The following NAALADL2 variants were observed in gnomAD, a reference collection of about 807,000 sequenced individuals.
The protein encoded by NAALADL2 is N-acetylated alpha-linked acidic dipeptidase like 2.
NAALADL2 carries 76 observed loss-of-function variants against 87.2 expected under a neutral mutation model. That is an observed-to-expected ratio of 0.87 (90% CI 0.72 to 1.05). The LOEUF is 1.05. NAALADL2 is among the 50% of genes least tolerant of loss of function. The pLI is 0.00. For synonymous variants in NAALADL2, 354 were observed against 331.0 expected, an observed-to-expected ratio of 1.07 and a Z score of -0.75; for missense variants, 1,089 against 945.8, an observed-to-expected ratio of 1.15 and a Z score of -1.99.
At chr3:174,511,679 A>G (rs1458054254) in intron 1 of NAALADL2, among the ~76,000 whole-genome samples, 1 of 150,508 alleles carries the variant, frequency 6.6e-6, no homozygotes, top group African/African-American at 2.4e-5. Context: ...GCTTAAATCT[A>G]TCTTGGTGTT....
At chr3:175,531,559 A>G (rs745676942) in intron 9 of NAALADL2, among the ~76,000 whole-genome samples, 12 of 152,246 alleles carry the variant, frequency 7.9e-5, no homozygotes, top group Non-Finnish European at 1.6e-4. Flanking sequence ...GTCTCTCTCA[A>G]TAAGATTATG....
intron 1 of NAALADL2, among the ~76,000 whole-genome samples, chr3:175,010,533 AT>A (rs1749645723): frequency 6.6e-6 from 1 of 152,148 alleles, no homozygotes; most frequent in African/African-American, 2.4e-5. Context: ...TAAGTGGTCT[AT>A]TTTCTCTCTG....
intron 2 of NAALADL2, among the ~76,000 whole-genome samples, chr3:175,224,957 C>T (rs1283993314): frequency 6.6e-6 from 1 of 152,106 alleles, no homozygotes; most frequent in East Asian, 1.9e-4. Context: ...TTAGTTGTCT[C>T]ATGATTTTTG....
At chr3:174,823,897 T>C (rs1327835508) in intron 3 of NAALADL2, among the ~76,000 whole-genome samples, 1 of 152,044 alleles carries the variant, frequency 6.6e-6, no homozygotes, top group Non-Finnish European at 1.5e-5. Flanking sequence ...TTTTAGTAGA[T>C]ACGAGATTTC....
chr3:175,593,257 A>G (rs1298759268), intron 10 of NAALADL2, among the ~76,000 whole-genome samples: 1 of 152,146 alleles, frequency 6.6e-6, no homozygotes, highest in African/African-American at 2.4e-5. Flanking sequence ...TAAATAACAT[A>G]ATATTTCCTT....
intron 2 of NAALADL2, among the ~76,000 whole-genome samples, chr3:174,702,853 C>T (rs1038400511): frequency 2.0e-5 from 3 of 152,016 alleles, no homozygotes; most frequent in African/African-American, 7.3e-5. Context: ...ATTCCTTTGA[C>T]CTAGTATTTT....
At chr3:174,780,274 C>T (rs1223819377) in intron 3 of NAALADL2, among the ~76,000 whole-genome samples, 1 of 152,070 alleles carries the variant, frequency 6.6e-6, no homozygotes, top group Non-Finnish European at 1.5e-5. Context: ...CACTATTTGG[C>T]TCTCTGTTTG....
intron 9 of NAALADL2, among the ~76,000 whole-genome samples, chr3:175,483,765 G>A (rs1013114811): frequency 2.6e-5 from 4 of 152,088 alleles, no homozygotes; most frequent in Non-Finnish European, 4.4e-5. Context: ...TGAAAGCAGT[G>A]CAGACATTTC....
At chr3:174,566,159 A>G (rs953219098) in intron 2 of NAALADL2, among the ~76,000 whole-genome samples, 2 of 151,994 alleles carry the variant, frequency 1.3e-5, no homozygotes, top group Non-Finnish European at 2.9e-5. Flanking sequence ...CTAGGATCTT[A>G]GAACACTTGG....
intron 11 of NAALADL2, among the ~76,000 whole-genome samples, chr3:175,647,954 CTAGATCTGGGG>C (rs1730235116): frequency 6.6e-6 from 1 of 152,202 alleles, no homozygotes; most frequent in Non-Finnish European, 1.5e-5. Context: ...TTGATTTGGT[CTAGATCTGGGG>C]TACCCCCAGT....
In NAALADL2 at chr3:175,388,561, A is replaced by G. The variant is rs543642102; in HGVS notation, c.1091-58668A>G. On this transcript the variant is annotated intron_variant, in intron 5 of 13. Coordinates refer to ENST00000454872, the MANE Select transcript of NAALADL2 (RefSeq NM_207015.3). ...CATCTAAATAAAATCTAAAGATTGTAAATAACCACCACCCATTTTAATGTA... is the reference window on the plus strand; with the variant it reads ...CATCTAAATAAAATCTAAAGATTGTGAATAACCACCACCCATTTTAATGTA... 1.5e-3 allele frequency among the ~76,000 whole-genome samples: 235 copies of G among 152,256 alleles called. 1 individual carries two copies. Among genetic ancestry groups the G allele is most frequent in the African/African-American group, 5.3e-3 (222 of 41,568 alleles).
At chr3:174,762,826 A>T (rs1338472374) in intron 3 of NAALADL2, among the ~76,000 whole-genome samples, 1 of 152,230 alleles carries the variant, frequency 6.6e-6, no homozygotes, top group Admixed American at 6.5e-5. Flanking sequence ...CCAATAATAA[A>T]AAAAAATCTT....
intron 1 of NAALADL2, among the ~76,000 whole-genome samples, chr3:174,542,052 G>A (rs1722287683): frequency 6.6e-6 from 1 of 152,156 alleles, no homozygotes; most frequent in Admixed American, 6.5e-5. Context: ...TGCAAATTAA[G>A]GGATGGGTTA....
chr3:175,578,348 G>T (rs113946463), intron 10 of NAALADL2, among the ~76,000 whole-genome samples: 1 of 151,994 alleles, frequency 6.6e-6, no homozygotes, highest in Non-Finnish European at 1.5e-5. Flanking sequence ...TGGGAGGATC[G>T]CTGGAGCCCT....
chr3:174,594,803 T>A (rs1170367658), intron 2 of NAALADL2, among the ~76,000 whole-genome samples: 2 of 152,156 alleles, frequency 1.3e-5, no homozygotes, highest in East Asian at 3.9e-4. Flanking sequence ...TAAGGGGAAA[T>A]GTAGAAATAA....
At chr3:175,333,511 T>C (rs1761643735) in intron 5 of NAALADL2, among the ~76,000 whole-genome samples, 1 of 152,194 alleles carries the variant, frequency 6.6e-6, no homozygotes, top group African/African-American at 2.4e-5. Context: ...AATCATGTCA[T>C]TTACAGCAAC....
intron 1 of NAALADL2, among the ~76,000 whole-genome samples, chr3:174,889,970 T>C (rs1003366881): frequency 2.0e-5 from 3 of 152,158 alleles, no homozygotes; most frequent in African/African-American, 2.4e-5. Context: ...TCCCCTTCAA[T>C]GTTTCTTAAA....
At chr3:174,569,219 A>C (rs2108529847) in intron 2 of NAALADL2, among the ~76,000 whole-genome samples, 1 of 152,036 alleles carries the variant, frequency 6.6e-6, no homozygotes, top group African/African-American at 2.4e-5. Flanking sequence ...GAAGAGTAAT[A>C]ACGTTTGTAT....
intron 10 of NAALADL2, among the ~76,000 whole-genome samples, chr3:175,609,858 A>G (rs749981961): frequency 1.3e-5 from 2 of 152,100 alleles, no homozygotes; most frequent in Non-Finnish European, 1.5e-5. Flanking sequence ...GGTACTTGGC[A>G]TTATTAAGTG....
Sources: allele counts gnomAD v4.1 joint callset (sites outside exome capture counted in the v4.1 genomes callset), GRCh38; gene constraint gnomAD v4.1.1; transcripts MANE v1.5; gene names NCBI Gene and HGNC (gene_info 2026-07-23, HGNC 2026-07-21).